RGS7: variants seen among roughly 807,000 people sequenced by gnomAD.
The protein encoded by RGS7 is regulator of G-protein signaling 7.
A neutral mutation model predicts 81.1 loss-of-function variants in RGS7; 27 were observed. The ratio of observed to expected loss-of-function variants is 0.33; its 90% CI spans 0.25 to 0.46. The LOEUF (loss-of-function observed/expected upper bound fraction) is 0.46. Ranked by LOEUF, RGS7 falls within the 20% of genes least tolerant of loss-of-function variation. RGS7 has a pLI of 1.00. For missense variants in RGS7, 396 were observed against 607.4 expected, an observed-to-expected ratio of 0.65 and a Z score of 3.66; for synonymous variants, 208 against 207.7, an observed-to-expected ratio of 1.00 and a Z score of -0.01.
At chr1:241,037,815 A>G (rs2447690) in intron 3 of RGS7, among the ~76,000 whole-genome samples, 148,597 of 152,200 alleles carry the variant, frequency 0.98, 72,642 homozygotes, top group South Asian at 1. Flanking sequence ...TGACTTTTGC[A>G]GCAAATTGGA....
chr1:240,984,681 T>C (rs916669158), intron 3 of RGS7, among the ~76,000 whole-genome samples: 7 of 152,206 alleles, frequency 4.6e-5, no homozygotes, highest in African/African-American at 1.7e-4. Context: ...CAAACTTCAG[T>C]GTGAACCAAG....
chr1:241,041,967 G>C (rs1415036228), intron 3 of RGS7, among the ~76,000 whole-genome samples: 1 of 152,102 alleles, frequency 6.6e-6, no homozygotes, highest in Non-Finnish European at 1.5e-5. Flanking sequence ...AAATGTCTGT[G>C]GGATGACTTA....
At chr1:240,794,209 A>G (rs1379525379) in intron 18 of RGS7, among the ~76,000 whole-genome samples, 1 of 152,088 alleles carries the variant, frequency 6.6e-6, no homozygotes, top group East Asian at 1.9e-4. Context: ...ATTAATATAT[A>G]TATAATCTAG....
At chr1:240,887,384 A>G (rs2000213) in intron 6 of RGS7, among the ~76,000 whole-genome samples, 56,288 of 151,534 alleles carry the variant, frequency 0.37, 10,742 homozygotes, top group East Asian at 0.5. Context: ...CCCTGCCACC[A>G]CGCCCGGCTC....
intron 3 of RGS7, among the ~76,000 whole-genome samples, chr1:241,021,544 G>A (rs1032821240): frequency 6.6e-6 from 1 of 152,130 alleles, no homozygotes; most frequent in Non-Finnish European, 1.5e-5. Context: ...ACAAGAATAC[G>A]TATCCAGTTT....
chr1:241,354,153 AT>A (rs1168010151), intron 2 of RGS7, among the ~76,000 whole-genome samples: 1 of 152,134 alleles, frequency 6.6e-6, no homozygotes, highest in Non-Finnish European at 1.5e-5. Context: ...AGAATTCAAA[AT>A]TCTCACAGCT....
intron 2 of RGS7, among the ~76,000 whole-genome samples, chr1:241,128,073 C>T (rs914505410): frequency 2.7e-5 from 4 of 149,860 alleles, no homozygotes; most frequent in African/African-American, 9.8e-5. Context: ...GGTCAGGAGA[C>T]CGAGACCATC....
chr1:240,849,723 A>G (rs1198762214), intron 9 of RGS7, among the ~76,000 whole-genome samples: 1 of 151,558 alleles, frequency 6.6e-6, no homozygotes. Flanking sequence ...GTGCCTGCTC[A>G]CCCCTTCGCC....
At chr1:241,133,535 A>T (rs1244295312) in intron 2 of RGS7, among the ~76,000 whole-genome samples, 1 of 150,138 alleles carries the variant, frequency 6.7e-6, no homozygotes, top group Non-Finnish European at 1.5e-5. Context: ...ATACAAATAT[A>T]AAAAAAAAGA....
chr1:241,208,064 C>T (rs2074025197), intron 2 of RGS7, among the ~76,000 whole-genome samples: 1 of 152,112 alleles, frequency 6.6e-6, no homozygotes, highest in South Asian at 2.1e-4. Flanking sequence ...CGCCACTGTG[C>T]CTGGCTAATT....
At chr1:241,242,010 A>G (rs910555219) in intron 2 of RGS7, among the ~76,000 whole-genome samples, 2 of 151,456 alleles carry the variant, frequency 1.3e-5, no homozygotes, top group African/African-American at 4.9e-5. Context: ...TACATGAGTA[A>G]GTTCTTTAGT....
chr1:241,034,187 T>C (rs1021634955), intron 3 of RGS7, among the ~76,000 whole-genome samples: 1 of 152,244 alleles, frequency 6.6e-6, no homozygotes, highest in African/African-American at 2.4e-5. Context: ...TTCAGAGATT[T>C]GTGCCATGTC....
intron 2 of RGS7, among the ~76,000 whole-genome samples, chr1:241,157,704 G>C (rs150273570): frequency 2.5e-3 from 383 of 151,946 alleles, no homozygotes; most frequent in Non-Finnish European, 4.5e-3. Context: ...ATGTTTTCAG[G>C]CTTTTCAGTG....
chr1:241,182,218 G>A (rs993371035), intron 2 of RGS7, among the ~76,000 whole-genome samples: 3 of 152,214 alleles, frequency 2.0e-5, no homozygotes, highest in East Asian at 1.9e-4. Flanking sequence ...GCTACTGTCC[G>A]CTCTACCTCA....
intron 2 of RGS7, among the ~76,000 whole-genome samples, chr1:241,206,260 C>T (rs1054895638): frequency 7.6e-5 from 10 of 131,358 alleles, no homozygotes; most frequent in Non-Finnish European, 1.6e-4. Flanking sequence ...GACAGAGTTT[C>T]GCTCTGTCAC....
chr1:240,797,643 T>A (rs774403715), intron 18 of RGS7, among the ~76,000 whole-genome samples: 1 of 152,170 alleles, frequency 6.6e-6, no homozygotes, highest in Non-Finnish European at 1.5e-5. Flanking sequence ...TGAGCCACCA[T>A]GCCCAGCAGA....
At chr1:241,322,735 C>T (rs1405419897) in intron 2 of RGS7, among the ~76,000 whole-genome samples, 1 of 152,150 alleles carries the variant, frequency 6.6e-6, no homozygotes, top group Non-Finnish European at 1.5e-5. Flanking sequence ...ATGGTTACTA[C>T]TGAAGATGTT....
At chr1:241,176,042 G>A (rs149421967) in intron 2 of RGS7, among the ~76,000 whole-genome samples, 1 of 152,284 alleles carries the variant, frequency 6.6e-6, no homozygotes, top group African/African-American at 2.4e-5. Context: ...TAGGACCTCG[G>A]ACTTACCACC....
At chr1:241,078,301 CTGTGTGTGTGTGTGTGTG>C (rs71568986) in intron 3 of RGS7, among the ~76,000 whole-genome samples, 12 of 130,270 alleles carry the variant, frequency 9.2e-5, no homozygotes, top group East Asian at 2.2e-4. Context: ...CTTCTGGTCT[CTGTGTGTGTGTGTGTGTG>C]TGTGTGTGTG....
Sources: allele counts gnomAD v4.1 joint callset (sites outside exome capture counted in the v4.1 genomes callset), GRCh38; gene constraint gnomAD v4.1.1; transcripts MANE v1.5; gene names NCBI Gene and HGNC (gene_info 2026-07-23, HGNC 2026-07-21).